Variants in TUBB6 observed in about 807,000 individuals in gnomAD.
TUBB6 encodes tubulin beta-6 chain.
TUBB6 carries 18 observed loss-of-function variants against 32.3 expected under a neutral mutation model. The ratio of observed to expected loss-of-function variants is 0.56; its 90% CI spans 0.39 to 0.83. The LOEUF (loss-of-function observed/expected upper bound fraction) is 0.83, where lower values mean the gene tolerates loss of function less well. Among genes scored for constraint, TUBB6 ranks in the 40% least tolerant of loss-of-function variants. TUBB6 has a pLI of 0.00. For synonymous variants in TUBB6, 280 were observed against 265.8 expected (o/e 1.05, Z -0.52); for missense variants, 480 against 632.0 (o/e 0.76, Z 2.58).
chr18:12,319,293 G>A (rs894841451), intron 3 of TUBB6, among the ~76,000 whole-genome samples: 2 of 151,884 alleles, frequency 1.3e-5, no homozygotes, highest in African/African-American at 2.4e-5. Context: ...ACAGGCACCT[G>A]CCACCACACC....
chr18:12,324,906 A>C (rs924103660), intron 3 of TUBB6, 161 bp from the exon 4 acceptor site: 2 of 1,459,190 alleles, frequency 1.4e-6, no homozygotes, highest in African/African-American at 1.4e-5. Flanking sequence ...GTACCAGTGC[A>C]TCTGCTCAGC....
At chr18:12,316,416 G>A (rs1288513253) in intron 3 of TUBB6, among the ~76,000 whole-genome samples, 1 of 152,220 alleles carries the variant, frequency 6.6e-6, no homozygotes, top group African/African-American at 2.4e-5. Flanking sequence ...AAAAATGTTA[G>A]AAATGACCTT....
intron 3 of TUBB6, among the ~76,000 whole-genome samples, chr18:12,316,677 T>C (rs1216285659): frequency 6.6e-6 from 1 of 152,220 alleles, no homozygotes; most frequent in Non-Finnish European, 1.5e-5. Flanking sequence ...AAACATTCTA[T>C]ATTGTTTAGC....
At chr18:12,309,782 C>T (rs74887793) in intron 2 of TUBB6, among the ~76,000 whole-genome samples, 17,345 of 152,102 alleles carry the variant, frequency 0.11, 1,109 homozygotes, top group East Asian at 0.22. Flanking sequence ...GTGTCCTCAC[C>T]GGGAACAAGT....
chr18:12,326,576 T>C lies in TUBB6; in HGVS notation c.*446T>C, dbSNP rs1907344451. The C allele has an allele frequency of 5.7e-6, 1 of 174,044 alleles. No homozygotes were observed. Among genetic ancestry groups the C allele is most frequent in the Admixed American group, 5.4e-5 (1 of 18,416 alleles). 10.8% of individuals were successfully genotyped at this position (174,044 alleles called of 1,614,324 possible). On this transcript the variant is annotated 3_prime_UTR_variant, in exon 4 of 4. Transcript: ENST00000317702. ...TACTAAACGTGTGTCTTCATCTCTCTAGCCATGTGCATAAATGACGTAAGT... is the reference window on the plus strand; with the variant it reads ...TACTAAACGTGTGTCTTCATCTCTCCAGCCATGTGCATAAATGACGTAAGT...
chr18:12,322,252 C>T (rs930181497), intron 3 of TUBB6, among the ~76,000 whole-genome samples: 2 of 151,616 alleles, frequency 1.3e-5, no homozygotes, highest in African/African-American at 4.9e-5. Flanking sequence ...GAGACAATAC[C>T]GTGCCACTGC....
At chr18:12,329,718 G>C (rs759071105), downstream of TUBB6, 1 of 1,614,142 alleles carries the variant, frequency 6.2e-7, no homozygotes, top group Admixed American at 1.7e-5. Context: ...CAAATGGTCT[G>C]GGGCCCAAAA....
chr18:12,314,901 C>T (rs745706386), intron 3 of TUBB6, among the ~76,000 whole-genome samples: 6 of 152,144 alleles, frequency 3.9e-5, no homozygotes, highest in African/African-American at 9.7e-5. Context: ...GAGCTCTCCC[C>T]ACCATCCTGA....
intron 3 of TUBB6, among the ~76,000 whole-genome samples, chr18:12,316,551 T>C (rs1906683802): frequency 6.6e-6 from 1 of 152,258 alleles, no homozygotes; most frequent in African/African-American, 2.4e-5. Flanking sequence ...ATGTCTTTAA[T>C]AGGAATTTTA....
At chr18:12,308,186 G>A (rs1190139391), upstream of TUBB6, 2 of 729,972 alleles carry the variant, frequency 2.7e-6, no homozygotes, top group Non-Finnish European at 3.5e-6. Flanking sequence ...GGCGAGCGGC[G>A]GGGCGGGGGC....
chr18:12,322,947 TA>T (rs1195739046), intron 3 of TUBB6, among the ~76,000 whole-genome samples: 1 of 152,216 alleles, frequency 6.6e-6, no homozygotes, highest in African/African-American at 2.4e-5. Flanking sequence ...TTAAAGTGAT[TA>T]TATTGTTTCC....
intron 3 of TUBB6, chr18:12,324,661 G>C: frequency 1.7e-6 from 1 of 598,702 alleles, no homozygotes. Context: ...ATGTTGCCCA[G>C]GCTGGTCTCT....
rs1350647644 is a variant in TUBB6, at chr18:12,308,272, T to C, written c.-21T>C. 2.8e-6 allele frequency: 4 copies of C among 1,431,858 alleles called. No homozygotes were observed. Among genetic ancestry groups the C allele is most frequent in the South Asian group, 1.4e-5 (1 of 72,702 alleles). 88.7% of individuals were successfully genotyped at this position (1,431,858 alleles called of 1,614,324 possible). ...CGCTGTCGTCCGCAGAGCCAGTTCC[T>C]AGCGCAGAGCCGCGCCCGCCATGAG... is the stretch of plus-strand genomic sequence containing the variant. On this transcript the variant is annotated 5_prime_UTR_variant, in exon 1 of 4. Coordinates refer to ENST00000317702, the MANE Select transcript of TUBB6 (RefSeq NM_032525.3).
intron 1 of TUBB6, 109 bp from the exon 2 acceptor site, chr18:12,308,578 C>T (rs1906143539): frequency 4.5e-6 from 4 of 889,406 alleles, no homozygotes; most frequent in Non-Finnish European, 6.9e-6. Context: ...CTGCCGGCGG[C>T]TCAGGCGCGC....
chr18:12,311,188 C>T, intron 3 of TUBB6, 135 bp downstream of exon 3: 1 of 736,094 alleles, frequency 1.4e-6, no homozygotes, highest in South Asian at 1.7e-5. Context: ...CCCACCCCTC[C>T]CATCCCTAGC....
chr18:12,326,775 C>A (rs536776158), downstream of TUBB6, among the ~76,000 whole-genome samples: 58 of 152,270 alleles, frequency 3.8e-4, no homozygotes, highest in African/African-American at 1.4e-3. Context: ...AGACAAAAGC[C>A]CCTCCTCCAT....
chr18:12,321,902 T>C (rs1295902078), intron 3 of TUBB6, among the ~76,000 whole-genome samples: 2 of 152,200 alleles, frequency 1.3e-5, no homozygotes, highest in Non-Finnish European at 2.9e-5. Flanking sequence ...ATTTAGTAAG[T>C]CTTGGTTAAG....
At position 12,308,791 on chromosome 18, in the gene TUBB6, A is replaced by G. The variant is rs753160688; in HGVS notation, c.162A>G (p.Ser54=). ...GAATCAACGTCTACTACAATGAGTC[A>G]TCGTGTGAGTAGCAAGGCCGCCGCG... ...LERINVYYNE[S]SSQKYVPRAA... The change falls in exon 2 of 4, where the codon TCA becomes TCG. Residue 54 remains serine, a synonymous_variant. Coordinates refer to ENST00000317702, the MANE Select transcript of TUBB6 (RefSeq NM_032525.3). 4.4e-6 allele frequency: 7 copies of G among 1,598,336 alleles called. No homozygotes were observed. The highest frequency in any genetic ancestry group is 5.1e-6 in the Non-Finnish European group (6 of 1,166,058).
At chr18:12,321,783 A>G (rs1413515384) in intron 3 of TUBB6, among the ~76,000 whole-genome samples, 1 of 152,228 alleles carries the variant, frequency 6.6e-6, no homozygotes. Context: ...TATTTAAAAC[A>G]TTTTATTAAA....
Sources: gnomAD v4.1 joint callset for allele counts (sites outside exome capture counted in the v4.1 genomes callset) on GRCh38, gnomAD v4.1.1 for gene constraint, MANE v1.5 for transcripts, NCBI Gene and HGNC (gene_info 2026-07-23, HGNC 2026-07-21) for gene names.